STK32A: variants seen among roughly 807,000 people sequenced by gnomAD.
The protein encoded by STK32A is serine/threonine-protein kinase 32A.
Under a neutral mutation model 53.2 loss-of-function variants are expected in STK32A, and 41 were observed. The observed-to-expected ratio is 0.77, with a 90% CI of 0.60 to 1.00. STK32A has a LOEUF of 1.00. STK32A is among the 50% of genes least tolerant of loss of function. The pLI is 0.00. For missense variants in STK32A, 458 were observed against 485.8 expected, an observed-to-expected ratio of 0.94 and a Z score of 0.54; for synonymous variants, 166 against 162.8, an observed-to-expected ratio of 1.02 and a Z score of -0.15.
intron 4 of STK32A, among the ~76,000 whole-genome samples, chr5:147,321,797 T>G (rs1426665352): frequency 6.6e-6 from 1 of 152,240 alleles, no homozygotes; most frequent in Non-Finnish European, 1.5e-5. Context: ...GAATCACATC[T>G]GCTCTGTATG....
Position 147,322,295 on chromosome 5 carries a change from A to T in STK32A, c.261-1603A>T, listed in dbSNP as rs577912368. ...TCTGTCTAAACTCCTCTAAGAGCTA[A>T]ATTTTTCCAAGACGTATTCTGTGTA... On this transcript the variant is annotated intron_variant, in intron 4 of 12. Coordinates refer to ENST00000397936, the MANE Select transcript of STK32A (RefSeq NM_001112724.2). 2.0e-5 allele frequency among the ~76,000 whole-genome samples: 3 copies of T among 152,306 alleles called. No homozygotes were observed. The East Asian group carries it at 5.8e-4, about 29-fold the overall frequency.
chr5:147,380,375 CT>C (rs1757404293), intron 11 of STK32A, among the ~76,000 whole-genome samples: 1 of 152,182 alleles, frequency 6.6e-6, no homozygotes, highest in East Asian at 1.9e-4. Flanking sequence ...CATCTCTCTT[CT>C]GTGCTTTGTA....
rs1448034955 is a variant in STK32A at position 147,370,639 on chromosome 5, C to G, written c.661-15C>G. On this transcript the variant is annotated splice_polypyrimidine_tract_variant and intron_variant, in intron 8 of 12. Transcript: ENST00000397936. ...CCTATACAAATGAAGACTTTTACTT[C>G]TTTTCTCCCTTAAGAGACCGTATCA... The G allele has an allele frequency of 1.9e-5, 29 of 1,556,954 alleles. No homozygotes were observed. Among genetic ancestry groups the G allele is most frequent in the Non-Finnish European group, 2.6e-5 (29 of 1,137,184 alleles).
At chr5:147,373,359 C>A in intron 10 of STK32A, 65 bp downstream of exon 10, 1 of 1,584,132 alleles carries the variant, frequency 6.3e-7, no homozygotes, top group South Asian at 1.1e-5. Context: ...GTGCCAGATT[C>A]ACACATTGTC....
At chr5:147,317,061 A>G (rs975267898) in intron 4 of STK32A, among the ~76,000 whole-genome samples, 3 of 151,624 alleles carry the variant, frequency 2.0e-5, no homozygotes. Flanking sequence ...TTAATGACTG[A>G]TAACACCACA....
Position 147,314,517 on chromosome 5 carries a change from CAAAAAAAAACA to C in STK32A, c.261-9371_261-9361del, listed in dbSNP as rs1561713447. Among the ~76,000 whole-genome samples the C allele has an allele frequency of 2.6e-3, 32 of 12,318 alleles. 5 individuals are homozygous for C. Among genetic ancestry groups the C allele is most frequent in the African/African-American group, 9.6e-3 (31 of 3,224 alleles). 8.1% of individuals were successfully genotyped at this position (12,318 alleles called of 152,430 possible). A position where few individuals can be genotyped will look rare whatever the true frequency, so the allele number is the denominator to read the frequency against. On this transcript the variant is annotated intron_variant, in intron 4 of 12. Transcript: ENST00000397936. Reference sequence around the variant, plus strand: ...CCATATCAAAAAAAACAAAAAAAAACAAAAAAAAACAAAAAAAAAAAAAGAACAAAGATTTC... The same window carrying C: ...CCATATCAAAAAAAACAAAAAAAAACAAAAAAAAAAAAGAACAAAGATTTC...
the STK32A span, among the ~76,000 whole-genome samples, chr5:147,398,087 A>G: frequency 6.6e-6 from 1 of 152,168 alleles, no homozygotes; most frequent in Non-Finnish European, 1.5e-5. Flanking sequence ...GTGGAAGTCA[A>G]CTTTTGTCTT....
At chr5:147,391,976 A>G (rs1237126666), downstream of STK32A, 1 of 152,220 alleles carries the variant, frequency 6.6e-6, no homozygotes, top group Non-Finnish European at 1.5e-5. Flanking sequence ...GGGGCTGAGT[A>G]ACAGCAGAGC....
At chr5:147,337,946 T>C (rs771036266) in intron 5 of STK32A, among the ~76,000 whole-genome samples, 3 of 152,098 alleles carry the variant, frequency 2.0e-5, no homozygotes, top group Non-Finnish European at 4.4e-5. Flanking sequence ...AGGAAACTAT[T>C]GGTGTGGGAC....
intron 2 of STK32A, among the ~76,000 whole-genome samples, chr5:147,265,319 CG>C (rs1274978460): frequency 6.6e-6 from 1 of 151,836 alleles, no homozygotes; most frequent in African/African-American, 2.4e-5. Context: ...CGTTAAAATC[CG>C]AGAGGCAAAA....
At chr5:147,286,682 T>C (rs1029786150) in intron 4 of STK32A, among the ~76,000 whole-genome samples, 1 of 152,196 alleles carries the variant, frequency 6.6e-6, no homozygotes, top group Admixed American at 6.6e-5. Flanking sequence ...CTCATTAGGA[T>C]CTTCCTCAGG....
At chr5:147,254,288 C>A (rs74986423) in intron 2 of STK32A, among the ~76,000 whole-genome samples, 11,263 of 152,202 alleles carry the variant, frequency 0.074, 584 homozygotes, top group African/African-American at 0.15. Context: ...CTCTTACCAG[C>A]TCTATGAGCT....
intron 2 of STK32A, among the ~76,000 whole-genome samples, chr5:147,275,296 G>A (rs1241728565): frequency 6.6e-6 from 1 of 151,704 alleles, no homozygotes; most frequent in African/African-American, 2.4e-5. Context: ...TTTAAAAAGG[G>A]ACTGTCAGGA....
At chr5:147,260,274 CTCTG>C (rs1483727527) in intron 2 of STK32A, among the ~76,000 whole-genome samples, 2 of 118,232 alleles carry the variant, frequency 1.7e-5, no homozygotes, top group African/African-American at 3.2e-5. Context: ...CCTCTCCCCT[CTCTG>C]TCTCTCTCTC....
At chr5:147,362,255 A>G (rs1225449273) in intron 8 of STK32A, among the ~76,000 whole-genome samples, 1 of 152,246 alleles carries the variant, frequency 6.6e-6, no homozygotes, top group Non-Finnish European at 1.5e-5. Context: ...ATAATAAAAT[A>G]CTGCAGACAG....
intron 5 of STK32A, among the ~76,000 whole-genome samples, chr5:147,327,877 A>G (rs1164047688): frequency 1.3e-5 from 2 of 152,226 alleles, no homozygotes; most frequent in Non-Finnish European, 2.9e-5. Context: ...ATGCATGGCC[A>G]CCTGCCTCAG....
At chr5:147,362,046 G>T (rs1756529144) in intron 8 of STK32A, among the ~76,000 whole-genome samples, 1 of 152,090 alleles carries the variant, frequency 6.6e-6, no homozygotes, top group African/African-American at 2.4e-5. Flanking sequence ...CTATCACTTG[G>T]CTCCTGGGTT....
At chr5:147,390,715 GC>G (rs1273024525), downstream of STK32A, 1 of 152,166 alleles carries the variant, frequency 6.6e-6, no homozygotes, top group African/African-American at 2.4e-5. Flanking sequence ...AGATCTGCCT[GC>G]CCCTCTTACT....
chr5:147,249,805 C>A (rs1383391156), intron 2 of STK32A, among the ~76,000 whole-genome samples: 1 of 147,592 alleles, frequency 6.8e-6, no homozygotes, highest in African/African-American at 2.5e-5. Flanking sequence ...CCCAGCTACT[C>A]AGGAGGCTGA....
Sources: gnomAD v4.1 joint callset for allele counts (sites outside exome capture counted in the v4.1 genomes callset) on GRCh38, gnomAD v4.1.1 for gene constraint, MANE v1.5 for transcripts, NCBI Gene and HGNC (gene_info 2026-07-23, HGNC 2026-07-21) for gene names.